TTF1: variants seen among roughly 807,000 people sequenced by gnomAD.
TTF1 encodes transcription termination factor, RNA polymerase I.
Under a neutral mutation model 80.2 loss-of-function variants are expected in TTF1, and 64 were observed. That is an observed-to-expected ratio of 0.80 (90% CI 0.65 to 0.98). The LOEUF (loss-of-function observed/expected upper bound fraction) is 0.98, where lower values mean the gene tolerates loss of function less well. TTF1 is among the 50% of genes least tolerant of loss of function. The pLI is 0.00. For synonymous variants in TTF1, 372 were observed against 382.7 expected (o/e 0.97, Z 0.33); for missense variants, 1,023 against 1,086.2 (o/e 0.94, Z 0.82).
intron 9 of TTF1, among the ~76,000 whole-genome samples, chr9:132,380,361 G>A (rs934918992): frequency 1.3e-5 from 2 of 152,192 alleles, no homozygotes; most frequent in African/African-American, 4.8e-5. Context: ...CTACAGGCAT[G>A]AGCCACTGCA....
At chr9:132,389,226 G>A (rs1849520504) in intron 7 of TTF1, among the ~76,000 whole-genome samples, 1 of 149,446 alleles carries the variant, frequency 6.7e-6, no homozygotes, top group Non-Finnish European at 1.5e-5. Context: ...ACTGTCGCTG[G>A]GGCTGGAGTG....
Position 132,376,041 on chromosome 9 carries a change from G to A in TTF1, c.2592C>T (p.Asp864=), listed in dbSNP as rs1463908779. 6.2e-7 allele frequency: 1 copy of A among 1,614,178 alleles called. No individual in the cohort carries two copies. The highest frequency in any genetic ancestry group is 8.5e-7 in the Non-Finnish European group (1 of 1,180,030). The part of the protein sequence containing the change: ...AAPKQVFPFR[D]IFYYEDDSEG... ...CACTATCGTCTTCATAATAAAAGAT[G>A]TCTCGAAATGGGAAAACTTGCTTGG... is the stretch of plus-strand genomic sequence containing the variant. Residue 864 remains aspartate, a synonymous_variant, in exon 11 of 11, where the codon GAC becomes GAT. Transcript: ENST00000334270.
intron 9 of TTF1, among the ~76,000 whole-genome samples, chr9:132,386,230 C>CA (rs1423646710): frequency 6.6e-6 from 1 of 151,960 alleles, no homozygotes; most frequent in Non-Finnish European, 1.5e-5. Context: ...TCTGTAATCA[C>CA]AAAACACCTG....
At chr9:132,378,703 G>C (rs1006660638) in intron 10 of TTF1, among the ~76,000 whole-genome samples, 3 of 150,506 alleles carry the variant, frequency 2.0e-5, no homozygotes, top group African/African-American at 7.5e-5. Context: ...TGCATGTGGT[G>C]TGAGTGCATG....
intron 6 of TTF1, among the ~76,000 whole-genome samples, chr9:132,391,216 G>A (rs923655140): frequency 2.6e-5 from 4 of 151,922 alleles, no homozygotes; most frequent in South Asian, 4.2e-4. Context: ...AGAGTTCATA[G>A]TGTAACAATA....
At chr9:132,404,064 T>C (rs1437120057) in intron 1 of TTF1, among the ~76,000 whole-genome samples, 1 of 152,240 alleles carries the variant, frequency 6.6e-6, no homozygotes, top group Non-Finnish European at 1.5e-5. Context: ...TTGCTCTGTA[T>C]TGCTTCTGGG....
At chr9:132,376,679 T>C (rs1849183396) in intron 10 of TTF1, among the ~76,000 whole-genome samples, 1 of 151,358 alleles carries the variant, frequency 6.6e-6, no homozygotes, top group Admixed American at 6.6e-5. Flanking sequence ...TTTTTTTTTT[T>C]TGAGATAGGG....
chr9:132,393,278 G>GC (rs545409121), intron 5 of TTF1, among the ~76,000 whole-genome samples: 24 of 151,436 alleles, frequency 1.6e-4, no homozygotes, highest in East Asian at 3.9e-4. Context: ...AGCCCCCCCC[G>GC]CAAACTGGCC....
At chr9:132,392,445 C>T (rs764285265) in intron 5 of TTF1, among the ~76,000 whole-genome samples, 2 of 152,146 alleles carry the variant, frequency 1.3e-5, no homozygotes, top group South Asian at 2.1e-4. Flanking sequence ...AATCACTTAG[C>T]CCTTCTTCAG....
Position 132,392,014 on chromosome 9 carries a change from C to T in TTF1, c.1987+62G>A, listed in dbSNP as rs570134991. On this transcript the variant is annotated intron_variant, in intron 6 of 10. Coordinates refer to ENST00000334270, the MANE Select transcript of TTF1 (RefSeq NM_007344.4). ...TTTCCGGGCATTGGATCGGTTATGG[C>T]TGAACCAGGCCTGTCAGGGCTTATT... is the stretch of plus-strand genomic sequence containing the variant. 3.1e-6 allele frequency: 5 copies of T among 1,607,682 alleles called. No individual in the cohort carries two copies. In the African/African-American group the frequency reaches 5.3e-5, roughly 17 times the overall value.
chr9:132,403,326 A>G (rs1388143498), intron 1 of TTF1, among the ~76,000 whole-genome samples: 1 of 152,168 alleles, frequency 6.6e-6, no homozygotes, highest in Non-Finnish European at 1.5e-5. Flanking sequence ...ATGATAGAGA[A>G]AAAAAGAGTT....
At chr9:132,392,444 GC>G (rs1263155160) in intron 5 of TTF1, among the ~76,000 whole-genome samples, 2 of 152,108 alleles carry the variant, frequency 1.3e-5, no homozygotes, top group African/African-American at 4.8e-5. Flanking sequence ...CAATCACTTA[GC>G]CCTTCTTCAG....
At chr9:132,400,685 T>G (rs942228990) in intron 2 of TTF1, among the ~76,000 whole-genome samples, 10 of 152,188 alleles carry the variant, frequency 6.6e-5, no homozygotes, top group Non-Finnish European at 1.3e-4. Context: ...GATGAGATCT[T>G]GGAGTTGACT....
At chr9:132,381,695 G>A (rs1273260507) in intron 9 of TTF1, among the ~76,000 whole-genome samples, 2 of 152,106 alleles carry the variant, frequency 1.3e-5, no homozygotes, top group East Asian at 1.9e-4. Context: ...TGGGACCACG[G>A]CATGTATCTG....
intron 1 of TTF1, among the ~76,000 whole-genome samples, chr9:132,405,005 C>A (rs957625706): frequency 6.6e-6 from 1 of 151,580 alleles, no homozygotes; most frequent in Non-Finnish European, 1.5e-5. Flanking sequence ...CCTGCCTCAG[C>A]CTCCCGAGTA....
intron 7 of TTF1, among the ~76,000 whole-genome samples, chr9:132,389,634 G>C (rs2131633581): frequency 6.6e-6 from 1 of 152,216 alleles, no homozygotes; most frequent in African/African-American, 2.4e-5. Flanking sequence ...TGTCTACTCT[G>C]GATTTTACTC....
chr9:132,379,336 TA>T (rs1342136515), intron 9 of TTF1, 192 bp from the exon 10 acceptor site: 11 of 446,674 alleles, frequency 2.5e-5, no homozygotes, highest in East Asian at 2.3e-4. Flanking sequence ...TTATTTGGTT[TA>T]AAAAAATGTA....
At chr9:132,378,073 G>T (rs1197136014) in intron 10 of TTF1, among the ~76,000 whole-genome samples, 3 of 93,180 alleles carry the variant, frequency 3.2e-5, no homozygotes, top group African/African-American at 1.3e-4. Flanking sequence ...AGTGCATGTG[G>T]TGTGTGTGAG....
At chr9:132,400,771 A>C (rs1300152926) in intron 2 of TTF1, among the ~76,000 whole-genome samples, 1 of 152,266 alleles carries the variant, frequency 6.6e-6, no homozygotes, top group African/African-American at 2.4e-5. Flanking sequence ...AGAAGCTAAA[A>C]GTGCAGCCCT....
Sources: allele counts gnomAD v4.1 joint callset (sites outside exome capture counted in the v4.1 genomes callset), GRCh38; gene constraint gnomAD v4.1.1; transcripts MANE v1.5; gene names NCBI Gene and HGNC (gene_info 2026-07-23, HGNC 2026-07-21).